The following KHDC4 variants were observed in gnomAD, a reference collection of about 807,000 sequenced individuals.
The protein encoded by KHDC4 is KH domain containing 4, pre-mRNA splicing factor.
KHDC4 carries 19 observed loss-of-function variants against 74.5 expected under a neutral mutation model. That is an observed-to-expected ratio of 0.26 (90% CI 0.18 to 0.37). The LOEUF is 0.37. KHDC4 is among the 10% of genes least tolerant of loss of function. The probability of loss-of-function intolerance (pLI) is 1.00; values close to 1 mark genes in which losing one functional copy is unlikely to be tolerated. For synonymous variants in KHDC4, 253 were observed against 266.1 expected, an observed-to-expected ratio of 0.95 and a Z score of 0.48; for missense variants, 632 against 754.1, an observed-to-expected ratio of 0.84 and a Z score of 1.90.
chr1:155,927,237 G>A, intron 4 of KHDC4, 81 bp from the exon 5 acceptor site: 2 of 1,086,228 alleles, frequency 1.8e-6, no homozygotes, highest in Admixed American at 3.6e-5. Context: ...GATCTAATTT[G>A]TAATGTTTCA....
Position 155,929,337 on chromosome 1 carries a change from C to T in KHDC4, c.423G>A (p.Gly141=). 6.2e-7 allele frequency: 1 copy of T among 1,614,070 alleles called. No homozygotes were observed. Among genetic ancestry groups the T allele is most frequent in the South Asian group, 1.1e-5 (1 of 91,072 alleles). ...CTTTTTCCTCAGTTGTCATGAACCT[C>T]CCTCGAGTTGATACTGCAGCCCCAC... ...RLSGAAVSTR[G]RFMTTEEKAK... is the part of the protein sequence containing the mutation. The change falls in exon 4 of 14, where the codon GGG becomes GGA. Residue 141 remains glycine (G), a synonymous_variant. Coordinates refer to ENST00000368321, the MANE Select transcript of KHDC4 (RefSeq NM_014949.4).
At chr1:155,927,835 CACACACACACA>C (rs1489476918) in intron 4 of KHDC4, among the ~76,000 whole-genome samples, 6 of 9,218 alleles carry the variant, frequency 6.5e-4, no homozygotes, top group African/African-American at 1.3e-3. Flanking sequence ...AAAAAAACCA[CACACACACACA>C]CACACACACA....
intron 10 of KHDC4, among the ~76,000 whole-genome samples, chr1:155,918,806 T>G (rs1230615618): frequency 6.6e-6 from 1 of 152,172 alleles, no homozygotes; most frequent in African/African-American, 2.4e-5. Flanking sequence ...ACTGACAGAT[T>G]GGATCATCTT....
chr1:155,917,463 A>C (rs1297108417), intron 11 of KHDC4, 36 bp downstream of exon 11: 1 of 1,500,072 alleles, frequency 6.7e-7, no homozygotes, highest in Non-Finnish European at 9.3e-7. Context: ...GTAGAAGAAT[A>C]AGGTGAAGAT....
Position 155,928,127 on chromosome 1 carries a change from C to T in KHDC4, c.465-971G>A, listed in dbSNP as rs552277228. Among the ~76,000 whole-genome samples the T allele has an allele frequency of 6.6e-5, 10 of 152,236 alleles. No individual in the cohort carries two copies. The East Asian group carries it at 1.7e-3, about 26-fold the overall frequency. ...GTGGCTCATGCCTGTAATCCCAGCA[C>T]TTTGGGAGGCCGAGGCAGGGGAACC... On this transcript the variant is annotated intron_variant, in intron 4 of 13. Transcript: ENST00000368321.
chr1:155,916,827 T>C, intron 11 of KHDC4, 90 bp from the exon 12 acceptor site: 2 of 825,132 alleles, frequency 2.4e-6, no homozygotes, highest in Middle Eastern at 4.6e-4. Context: ...TGCCTCATCT[T>C]TCTGATAAGT....
Position 155,929,386 on chromosome 1 carries a change from A to G in KHDC4, c.385-11T>C. 6.2e-7 allele frequency: 1 copy of G among 1,608,686 alleles called. No homozygotes were observed. Among genetic ancestry groups the G allele is most frequent in the Middle Eastern group, 1.7e-4 (1 of 6,052 alleles). ...ACTAAGTCGGCTGATCTAAAAAAGG[A>G]AATGTTCAATTAAAAAAATGTGGCA... On this transcript the variant is annotated splice_polypyrimidine_tract_variant and intron_variant, in intron 3 of 13. Transcript: ENST00000368321.
chr1:155,927,411 T>C (rs919767843), intron 4 of KHDC4, among the ~76,000 whole-genome samples: 6 of 152,194 alleles, frequency 3.9e-5, no homozygotes, highest in African/African-American at 1.4e-4. Context: ...TTCACTACCA[T>C]TATTTTCCAG....
At chr1:155,917,038 G>A (rs1673747113) in intron 11 of KHDC4, 2 of 256,392 alleles carry the variant, frequency 7.8e-6, no homozygotes, top group South Asian at 8.7e-5. Flanking sequence ...AAATGCTTTG[G>A]TTTAAAGAAT....
intron 12 of KHDC4, among the ~76,000 whole-genome samples, 163 bp downstream of exon 12, chr1:155,916,462 C>T (rs1187396218): frequency 6.6e-6 from 1 of 152,200 alleles, no homozygotes; most frequent in African/African-American, 2.4e-5. Context: ...AAAGGCCTAT[C>T]ATATTTTACT....
chr1:155,927,803 C>CCA (rs1674038549), intron 4 of KHDC4, among the ~76,000 whole-genome samples: 1 of 8,138 alleles, frequency 1.2e-4, no homozygotes, highest in Non-Finnish European at 2.2e-4. Context: ...ACTCTGTCTC[C>CCA]AAAAAAAAAA....
chr1:155,931,319 CAGAAAGAA>C (rs199730832), intron 2 of KHDC4, among the ~76,000 whole-genome samples: 29 of 143,550 alleles, frequency 2.0e-4, no homozygotes, highest in African/African-American at 7.1e-4. Flanking sequence ...GACAGAAAGA[CAGAAAGAA>C]AGAAAGAAAG....
In KHDC4 at chr1:155,929,803, C is replaced by T. The variant is rs1443538002; in HGVS notation, c.293G>A (p.Ser98Asn). 1.2e-6 allele frequency: 2 copies of T among 1,610,524 alleles called. No individual in the cohort carries two copies. Among genetic ancestry groups the T allele is most frequent in the African/African-American group, 1.3e-5 (1 of 74,844 alleles). ...TTCAGCTACCACCAGGTCATCCTTG[C>T]TTTTATTGCTAGTTAGGCCTTTGCC... ...APGKGLTSNK[S>N]KDDLVVAEVE... The change falls in exon 3 of 14, where the codon AGC (serine) becomes AAC (asparagine). Residue 98 changes from serine to asparagine, a missense_variant. Ser to Asn is a conservative substitution (Grantham distance 46, BLOSUM62 1). Coordinates refer to ENST00000368321, the MANE Select transcript of KHDC4 (RefSeq NM_014949.4).
chr1:155,925,460 C>G (rs1032804980), intron 7 of KHDC4, among the ~76,000 whole-genome samples, 172 bp downstream of exon 7: 1 of 152,160 alleles, frequency 6.6e-6, no homozygotes, highest in African/African-American at 2.4e-5. Flanking sequence ...AGCCACCGTG[C>G]CCCAATTCTA....
chr1:155,929,208 G>C, intron 4 of KHDC4, 88 bp downstream of exon 4: 1 of 885,562 alleles, frequency 1.1e-6, no homozygotes, highest in East Asian at 2.4e-5. Flanking sequence ...CAAATATTGT[G>C]TACACGTATT....
intron 11 of KHDC4, among the ~76,000 whole-genome samples, chr1:155,917,139 C>T (rs907388089): frequency 1.3e-5 from 2 of 152,110 alleles, no homozygotes; most frequent in African/African-American, 4.8e-5. Flanking sequence ...TAGTGGCTAA[C>T]TTTACAATTA....
chr1:155,914,400 AAAG>A (rs1319204306), intron 13 of KHDC4, 80 bp from the exon 14 acceptor site: 1 of 1,183,782 alleles, frequency 8.4e-7, no homozygotes, highest in Non-Finnish European at 1.2e-6. Flanking sequence ...TAATTAAAAA[AAAG>A]ATGTTAATTT....
At chr1:155,931,105 T>C (rs1442812394) in intron 2 of KHDC4, among the ~76,000 whole-genome samples, 14 of 151,898 alleles carry the variant, frequency 9.2e-5, no homozygotes, top group Admixed American at 9.2e-4. Flanking sequence ...GTGGATCGCT[T>C]GAGCCCAAGA....
intron 2 of KHDC4, among the ~76,000 whole-genome samples, chr1:155,930,540 T>C (rs1674119074): frequency 6.6e-6 from 1 of 152,162 alleles, no homozygotes; most frequent in Non-Finnish European, 1.5e-5. Flanking sequence ...CTCAGTTAGT[T>C]GGCTGTACAT....
Sources: allele counts gnomAD v4.1 joint callset (sites outside exome capture counted in the v4.1 genomes callset), GRCh38; gene constraint gnomAD v4.1.1; transcripts MANE v1.5; gene names NCBI Gene and HGNC (gene_info 2026-07-23, HGNC 2026-07-21).